RNF157: variants seen among roughly 807,000 people sequenced by gnomAD.
RNF157 encodes ring finger protein 157, also known as E3 ubiquitin ligase RNF157.
In RNF157, 55 loss-of-function variants were observed where a neutral mutation model predicts 88.3. The ratio of observed to expected loss-of-function variants is 0.62; its 90% CI spans 0.50 to 0.78. The LOEUF is 0.78. Ranked by LOEUF, RNF157 falls within the 30% of genes least tolerant of loss-of-function variation. The pLI is 0.00. For synonymous variants in RNF157, 334 were observed against 341.2 expected, an observed-to-expected ratio of 0.98 and a Z score of 0.23; for missense variants, 788 against 860.8, an observed-to-expected ratio of 0.92 and a Z score of 1.06.
chr17:76,175,542 A>G (rs149920811), intron 2 of RNF157, among the ~76,000 whole-genome samples: 185 of 152,212 alleles, frequency 1.2e-3, no homozygotes, highest in African/African-American at 4.3e-3. Flanking sequence ...TCCTCCCCCA[A>G]CTTTCCTAGG....
chr17:76,227,201 A>T (rs1279685523), intron 1 of RNF157, among the ~76,000 whole-genome samples: 1 of 151,072 alleles, frequency 6.6e-6, no homozygotes, highest in African/African-American at 2.4e-5. Flanking sequence ...GCTCACTGCA[A>T]CCTCTGCTTC....
At chr17:76,226,544 TTC>T in intron 1 of RNF157, 2 of 1,613,700 alleles carry the variant, frequency 1.2e-6, no homozygotes, top group South Asian at 2.2e-5. Flanking sequence ...CAAATCCATT[TTC>T]TCCAACATCC....
In RNF157 at chr17:76,155,585, T is replaced by C. The variant is rs1287432007; in HGVS notation, c.1675A>G (p.Arg559Gly). The C allele has an allele frequency of 6.2e-7, 1 of 1,612,494 alleles. No homozygotes were observed. Among genetic ancestry groups the C allele is most frequent in the Non-Finnish European group, 8.5e-7 (1 of 1,179,576 alleles). The change falls in exon 15 of 19, where the codon AGG becomes GGG. Residue 559 changes from arginine (R) to glycine (G), a missense_variant. By Grantham distance (125) the Arg-to-Gly change is moderately radical (BLOSUM62 -2). Coordinates refer to ENST00000269391, the MANE Select transcript of RNF157 (RefSeq NM_052916.3). ...EALSSPQPAS[R>G]APSEEGEGLP... ...ACCTCTCCTTCTTCTGAGGGGGCCC[T>C]GCTGGCAGGCTGGGGGGAAGAGAGA... is the stretch of plus-strand genomic sequence containing the variant.
intron 2 of RNF157, among the ~76,000 whole-genome samples, chr17:76,202,041 G>A (rs1267355392): frequency 1.3e-5 from 2 of 150,860 alleles, no homozygotes; most frequent in Non-Finnish European, 3.0e-5. Flanking sequence ...AAAAAAAATT[G>A]TAGTAAAATT....
chr17:76,152,691 C>T, intron 17 of RNF157: 1 of 476,998 alleles, frequency 2.1e-6, no homozygotes, highest in Non-Finnish European at 3.8e-6. Flanking sequence ...TTTCTGTCTG[C>T]TGCTCCCTAA....
At chr17:76,154,149 C>T (rs535815359) in intron 17 of RNF157, 134 bp downstream of exon 17, 26 of 713,648 alleles carry the variant, frequency 3.6e-5, no homozygotes, top group African/African-American at 1.6e-4. Context: ...ATTAAGAAGA[C>T]GATCTTTCCT....
At chr17:76,197,833 T>TA (rs2069502703) in intron 2 of RNF157, among the ~76,000 whole-genome samples, 1 of 152,238 alleles carries the variant, frequency 6.6e-6, no homozygotes, top group Non-Finnish European at 1.5e-5. Context: ...ACTAGTCTAC[T>TA]GTGCCAGATT....
At position 76,240,301 on chromosome 17, in the gene RNF157, C is replaced by G; in HGVS notation, c.-61G>C. The stretch of plus-strand genomic sequence containing the variant: ...GCCCGCGCCGCCCTCCGCGCTTCAC[C>G]GCGGCCGCCCGCCCCGCGCCCGGTG... On this transcript the variant is annotated 5_prime_UTR_variant, in exon 1 of 19. Coordinates refer to ENST00000269391, the MANE Select transcript of RNF157 (RefSeq NM_052916.3). The surrounding 1 kb of genome is among the most constrained non-coding windows in gnomAD (Gnocchi z 4.4). The G allele has an allele frequency of 1.2e-6, 1 of 835,188 alleles. No individual in the cohort carries two copies. The highest frequency in any genetic ancestry group is 6.4e-5 in the Admixed American group (1 of 15,710). 51.7% of individuals were successfully genotyped at this position (835,188 alleles called of 1,614,324 possible).
chr17:76,149,895 G>C (rs143620505), intron 18 of RNF157, among the ~76,000 whole-genome samples: 2 of 152,144 alleles, frequency 1.3e-5, no homozygotes, highest in South Asian at 4.2e-4. Flanking sequence ...TTAGCCGGGC[G>C]TGGTGGCGGG....
At position 76,173,014 on chromosome 17, in the gene RNF157, C is replaced by T. The variant is rs555977798; in HGVS notation, c.296+688G>A. 7.2e-5 allele frequency among the ~76,000 whole-genome samples: 11 copies of T among 152,258 alleles called. No homozygotes were observed. The East Asian group carries it at 7.7e-4, about 11-fold the overall frequency. On this transcript the variant is annotated intron_variant, in intron 3 of 18. Coordinates refer to ENST00000269391, the MANE Select transcript of RNF157 (RefSeq NM_052916.3). ...TAAAAAAGAAAAAGAAGGCTGGGCG[C>T]GGTGGCTCACGCCTGTAATCCCAGC...
intron 1 of RNF157, among the ~76,000 whole-genome samples, chr17:76,214,102 C>T (rs1261091696): frequency 2.0e-5 from 3 of 152,158 alleles, no homozygotes; most frequent in African/African-American, 4.8e-5. Context: ...GTTGGAAGCA[C>T]AGGTAAAACA....
chr17:76,158,117 C>G (rs906645470), intron 13 of RNF157, among the ~76,000 whole-genome samples: 3 of 151,942 alleles, frequency 2.0e-5, no homozygotes, highest in Non-Finnish European at 4.4e-5. Flanking sequence ...TTTTGTGCCC[C>G]CCACCCCAGA....
intron 2 of RNF157, among the ~76,000 whole-genome samples, chr17:76,211,528 G>A (rs1256594347): frequency 6.6e-6 from 1 of 152,210 alleles, no homozygotes; most frequent in Non-Finnish European, 1.5e-5. Flanking sequence ...TTACTGATCT[G>A]TGACCAGGCA....
intron 18 of RNF157, among the ~76,000 whole-genome samples, chr17:76,150,459 C>T (rs2144796295): frequency 6.6e-6 from 1 of 152,300 alleles, no homozygotes; most frequent in East Asian, 1.9e-4. Context: ...GCTGTTTCCA[C>T]TAGCACTGTT....
At chr17:76,201,212 A>G (rs1322551927) in intron 2 of RNF157, among the ~76,000 whole-genome samples, 1 of 151,868 alleles carries the variant, frequency 6.6e-6, no homozygotes, top group Non-Finnish European at 1.5e-5. Flanking sequence ...AGAGCCGGGC[A>G]CAGTGGCTCA....
At position 76,183,204 on chromosome 17, in the gene RNF157, T is replaced by C. The variant is rs2069226606; in HGVS notation, c.208-9414A>G. On this transcript the variant is annotated intron_variant, in intron 2 of 18. Transcript: ENST00000269391. ...CGCCCGCCTCAGCCTCCCAAAGTGC[T>C]GGGATTCCAGGTGTGAGCCACCACG... Among the ~76,000 whole-genome samples, 4 of 152,202 alleles carry C rather than the reference T, an allele frequency of 2.6e-5. No individual in the cohort carries two copies. In the South Asian group the frequency reaches 8.3e-4, roughly 32 times the overall value.
chr17:76,211,765 T>C (rs1257973380), intron 2 of RNF157: 1 of 152,242 alleles, frequency 6.6e-6, no homozygotes, highest in Non-Finnish European at 1.5e-5. Context: ...ACCTGGCGGC[T>C]ATTATTACAA....
At chr17:76,239,476 G>A (rs761722047) in intron 1 of RNF157, among the ~76,000 whole-genome samples, 3 of 152,086 alleles carry the variant, frequency 2.0e-5, no homozygotes, top group Non-Finnish European at 4.4e-5. Flanking sequence ...GCTAGCAAAG[G>A]GGCAATCCGA....
At chr17:76,224,511 T>G (rs2070043735) in intron 1 of RNF157, among the ~76,000 whole-genome samples, 1 of 152,088 alleles carries the variant, frequency 6.6e-6, no homozygotes, top group South Asian at 2.1e-4. Context: ...ATCACAAAAA[T>G]AAGAAGAAAA....
Sources: gnomAD v4.1 joint callset for allele counts (sites outside exome capture counted in the v4.1 genomes callset) on GRCh38, gnomAD v4.1.1 for gene constraint, Gnocchi (gnomAD v3.1) non-coding constraint, MANE v1.5 for transcripts, NCBI Gene and HGNC (gene_info 2026-07-23, HGNC 2026-07-21) for gene names.